Variants in PTPRN2 observed in about 807,000 individuals in gnomAD.
PTPRN2 encodes the protein protein tyrosine phosphatase receptor type N2.
In PTPRN2, 74 loss-of-function variants were observed where a neutral mutation model predicts 118.8. The observed-to-expected ratio is 0.62, with a 90% confidence interval of 0.52 to 0.76. The LOEUF is 0.76. Among genes scored for constraint, PTPRN2 ranks in the 30% least tolerant of loss-of-function variants. The pLI is 0.00. For synonymous variants in PTPRN2, 641 were observed against 608.0 expected, an observed-to-expected ratio of 1.05 and a Z score of -0.80; for missense variants, 1,481 against 1,394.4, an observed-to-expected ratio of 1.06 and a Z score of -0.99.
rs148944606 is a variant in PTPRN2, at chr7:158,102,310, C to T, written c.1643+8519G>A. Among the ~76,000 whole-genome samples, 187 of 152,310 alleles carry T rather than the reference C, an allele frequency of 1.2e-3. 1 individual carries two copies. The highest frequency in any genetic ancestry group is 4.3e-3 in the African/African-American group (180 of 41,568). ...TATGGTAAACTCAATGCACGCATCC[C>T]GAGCTGGCCCGAGGATGCTTTATTC... On this transcript the variant is annotated intron_variant, in intron 10 of 22. Transcript: ENST00000389418.
Position 158,525,298 on chromosome 7 carries a change from G to A in PTPRN2, c.113-35513C>T, listed in dbSNP as rs1586871044. On this transcript the variant is annotated intron_variant, in intron 1 of 22. Transcript: ENST00000389418. The surrounding 1 kb of genome is among the most constrained non-coding windows in gnomAD (Gnocchi z 4.1). ...GGGCATCTGCCAAGGAGAACACACG[G>A]CCCCCTAATGTGCAACAAAACCGTG... Among the ~76,000 whole-genome samples the A allele has an allele frequency of 6.6e-6, 1 of 152,154 alleles. No individual in the cohort carries two copies. The highest frequency in any genetic ancestry group is 2.4e-5 in the African/African-American group (1 of 41,424).
In PTPRN2 at chr7:157,880,155, C is replaced by T. The variant is rs77843991; in HGVS notation, c.1788+18518G>A. Among the ~76,000 whole-genome samples, 17 of 152,226 alleles carry T rather than the reference C, an allele frequency of 1.1e-4. No homozygotes were observed. The East Asian group carries it at 3.1e-3, about 28-fold the overall frequency. On this transcript the variant is annotated intron_variant, in intron 12 of 22. Coordinates refer to ENST00000389418, the MANE Select transcript of PTPRN2 (RefSeq NM_002847.5). ...GACGGACTGGAAATTAAAAATTGAA[C>T]ATTGTATATTAGCAGGGCTCTGAGG...
intron 3 of PTPRN2, among the ~76,000 whole-genome samples, chr7:158,268,337 G>A (rs539001372): frequency 6.8e-4 from 102 of 149,440 alleles, no homozygotes; most frequent in Middle Eastern, 7.1e-3. Flanking sequence ...CACACAGGGC[G>A]GGTGTGAAAT....
chr7:158,157,871 G>T (rs1456687254), intron 6 of PTPRN2, among the ~76,000 whole-genome samples: 10 of 152,170 alleles, frequency 6.6e-5, no homozygotes, highest in Non-Finnish European at 1.3e-4. Flanking sequence ...ACTGAGCCCG[G>T]GACTGTTTCG....
At chr7:158,060,613 A>C (rs75523752) in intron 11 of PTPRN2, among the ~76,000 whole-genome samples, 2 of 152,222 alleles carry the variant, frequency 1.3e-5, no homozygotes, top group Non-Finnish European at 2.9e-5. Context: ...AATAAGGCCA[A>C]ATCCACAGGT....
At chr7:157,597,020 G>A (rs940198020) in intron 16 of PTPRN2, among the ~76,000 whole-genome samples, 1 of 152,214 alleles carries the variant, frequency 6.6e-6, no homozygotes, top group Non-Finnish European at 1.5e-5. Flanking sequence ...CAGCGAGCCA[G>A]TGAGTCCCCG....
chr7:158,428,807 C>T lies in PTPRN2; in HGVS notation c.163+60928G>A, dbSNP rs1274184858. Among the ~76,000 whole-genome samples, 3 of 152,316 alleles carry T rather than the reference C, an allele frequency of 2.0e-5. No individual in the cohort carries two copies. In the East Asian group the frequency reaches 5.8e-4, roughly 29 times the overall value. On this transcript the variant is annotated intron_variant, in intron 2 of 22. Coordinates refer to ENST00000389418, the MANE Select transcript of PTPRN2 (RefSeq NM_002847.5). ...AGTCACCGTGTCTGTATGTTACTTACTCGCTTCTTTCAGGGTCTTTTCCAA... is the reference window on the plus strand; with the variant it reads ...AGTCACCGTGTCTGTATGTTACTTATTCGCTTCTTTCAGGGTCTTTTCCAA...
intron 12 of PTPRN2, among the ~76,000 whole-genome samples, chr7:157,702,391 C>T (rs112537450): frequency 1.3e-5 from 2 of 151,978 alleles, no homozygotes; most frequent in African/African-American, 4.8e-5. Context: ...GTAACTGACA[C>T]GGGCTCTGAG....
At chr7:158,571,480 A>G (rs1223827236) in intron 1 of PTPRN2, among the ~76,000 whole-genome samples, 1 of 150,554 alleles carries the variant, frequency 6.6e-6, no homozygotes, top group Admixed American at 6.6e-5. Flanking sequence ...TCCAACTCAA[A>G]AAAAACAAAA....
At chr7:157,655,853 C>T (rs983562503) in intron 14 of PTPRN2, among the ~76,000 whole-genome samples, 1 of 152,104 alleles carries the variant, frequency 6.6e-6, no homozygotes, top group East Asian at 2.0e-4. Flanking sequence ...GAAGCCGCGT[C>T]GCCGTGAGCC....
intron 9 of PTPRN2, among the ~76,000 whole-genome samples, chr7:158,111,432 C>T (rs963658093): frequency 3.9e-5 from 6 of 152,314 alleles, no homozygotes; most frequent in African/African-American, 1.4e-4. Context: ...AGACTCCCCA[C>T]AAGGCCACCT....
At chr7:158,471,553 T>C (rs1476704177) in intron 2 of PTPRN2, among the ~76,000 whole-genome samples, 2 of 152,114 alleles carry the variant, frequency 1.3e-5, no homozygotes, top group African/African-American at 4.8e-5. Context: ...CTGGGTGTGG[T>C]GGCAGGTGCC....
intron 2 of PTPRN2, among the ~76,000 whole-genome samples, chr7:158,329,764 T>G (rs1012339201): frequency 5.3e-5 from 8 of 152,158 alleles, no homozygotes; most frequent in African/African-American, 1.9e-4. Context: ...TGCTCAGAGT[T>G]GGCCTGGGAG....
chr7:158,528,339 C>T (rs929738926), intron 1 of PTPRN2, among the ~76,000 whole-genome samples: 6 of 152,194 alleles, frequency 3.9e-5, no homozygotes, highest in African/African-American at 7.2e-5. Flanking sequence ...CGCCAGGTGA[C>T]GTCCCAAAAC....
chr7:158,432,523 G>A (rs1028385347), intron 2 of PTPRN2, among the ~76,000 whole-genome samples: 3 of 152,248 alleles, frequency 2.0e-5, no homozygotes, highest in African/African-American at 7.2e-5. Context: ...TTAAACGCCT[G>A]CAGCCTCCTG....
chr7:158,501,046 C>G (rs980188358), intron 1 of PTPRN2, among the ~76,000 whole-genome samples: 1 of 152,218 alleles, frequency 6.6e-6, no homozygotes, highest in Non-Finnish European at 1.5e-5. Context: ...GTGTGAGGCT[C>G]GGAGCACTCA....
chr7:157,983,578 C>A (rs1803481931), intron 11 of PTPRN2, among the ~76,000 whole-genome samples: 1 of 151,516 alleles, frequency 6.6e-6, no homozygotes, highest in South Asian at 2.1e-4. Flanking sequence ...GCCTCCCCCG[C>A]CCCCGCCCAC....
intron 21 of PTPRN2, among the ~76,000 whole-genome samples, chr7:157,561,925 C>A (rs904794924): frequency 1.3e-5 from 2 of 152,220 alleles, no homozygotes; most frequent in African/African-American, 2.4e-5. Flanking sequence ...ATGCAGTGGA[C>A]GCTGCCCTGC....
intron 13 of PTPRN2, among the ~76,000 whole-genome samples, chr7:157,657,512 CCACACAA>C (rs1563312934): frequency 7.3e-5 from 2 of 27,250 alleles, no homozygotes; most frequent in Non-Finnish European, 1.6e-4. Flanking sequence ...CACACATACA[CCACACAA>C]ACCACACACA....
Sources: allele counts gnomAD v4.1 joint callset (sites outside exome capture counted in the v4.1 genomes callset), GRCh38; gene constraint gnomAD v4.1.1; non-coding constraint Gnocchi (gnomAD v3.1); transcripts MANE v1.5; gene names NCBI Gene and HGNC (gene_info 2026-07-23, HGNC 2026-07-21).